The following MED13L variants were observed in gnomAD, a reference collection of about 807,000 sequenced individuals.
MED13L encodes the protein mediator of RNA polymerase II transcription subunit 13-like.
MED13L carries 7 observed loss-of-function variants against 220.9 expected under a neutral mutation model. The observed-to-expected ratio is 0.03, with a 90% confidence interval of 0.02 to 0.06. MED13L has a LOEUF of 0.06. Among genes scored for constraint, MED13L ranks in the 10% least tolerant of loss-of-function variants. The pLI, the probability that MED13L is intolerant of heterozygous loss-of-function variation, is 1.00. For synonymous variants in MED13L, 1,011 were observed against 1,015.2 expected, an observed-to-expected ratio of 1.00 and a Z score of 0.08; for missense variants, 1,965 against 2,760.5, an observed-to-expected ratio of 0.71 and a Z score of 6.46.
chr12:116,143,991 T>C (rs17498543), intron 2 of MED13L, among the ~76,000 whole-genome samples: 22,919 of 152,096 alleles, frequency 0.15, 1,966 homozygotes, highest in Middle Eastern at 0.22. Flanking sequence ...CAGAACTTAA[T>C]AGAAGCCAGG....
At chr12:116,142,637 G>C (rs549363168) in intron 2 of MED13L, among the ~76,000 whole-genome samples, 1 of 152,072 alleles carries the variant, frequency 6.6e-6, no homozygotes, top group Admixed American at 6.6e-5. Flanking sequence ...GCAGCAGGCC[G>C]ATATTGCGCC....
chr12:115,987,618 G>T (rs1221736438), intron 17 of MED13L, among the ~76,000 whole-genome samples: 1 of 152,148 alleles, frequency 6.6e-6, no homozygotes, highest in African/African-American at 2.4e-5. Flanking sequence ...TCATAAGACA[G>T]CTGCAAAAGT....
chr12:115,991,038 A>T lies in MED13L; in HGVS notation c.3916T>A (p.Ser1306Thr), dbSNP rs761136335. The T allele has an allele frequency of 1.2e-6, 2 of 1,614,112 alleles. No homozygotes were observed. The highest frequency in any genetic ancestry group is 4.5e-5 in the East Asian group (2 of 44,880). Residue 1306 changes from serine (S) to threonine (T), a missense_variant, in exon 17 of 31, where the codon TCT (serine) becomes ACT (threonine). Physicochemically the swap from Ser to Thr is moderately conservative, Grantham distance 58. This residue lies in a region of MED13L where 165 missense variants were observed against 190.8 expected (regional missense o/e 0.86). Coordinates refer to ENST00000281928, the MANE Select transcript of MED13L (RefSeq NM_015335.5). The surrounding 1 kb of genome is among the most constrained non-coding windows in gnomAD (Gnocchi z 7.7). ...CACCTACCATTGCTGTGAGGCCAAGAGTGCACAGTGGCACTTCTCACCAGA... is the reference window on the plus strand; with the variant it reads ...CACCTACCATTGCTGTGAGGCCAAGTGTGCACAGTGGCACTTCTCACCAGA... Reference protein sequence around the residue: ...EALVRSATVHSWPHSNVLDIS... With the variant: ...EALVRSATVHTWPHSNVLDIS...
intron 4 of MED13L, among the ~76,000 whole-genome samples, chr12:116,046,395 A>T (rs1881837161): frequency 6.6e-6 from 1 of 152,236 alleles, no homozygotes; most frequent in Non-Finnish European, 1.5e-5. Context: ...GGATGTAAAT[A>T]ATTTCACATC....
intron 1 of MED13L, among the ~76,000 whole-genome samples, chr12:116,263,216 A>G (rs1872623381): frequency 6.6e-6 from 1 of 152,160 alleles, no homozygotes; most frequent in Non-Finnish European, 1.5e-5. Context: ...CTATAGCTCT[A>G]GGATTACATC....
At chr12:116,062,980 C>G (rs1028288530) in intron 4 of MED13L, among the ~76,000 whole-genome samples, 1 of 152,222 alleles carries the variant, frequency 6.6e-6, no homozygotes, top group African/African-American at 2.4e-5. Context: ...AATACTGGCT[C>G]TTCCTCCTTT....
At chr12:115,995,706 A>C (rs989615382) in intron 16 of MED13L, among the ~76,000 whole-genome samples, 6 of 152,180 alleles carry the variant, frequency 3.9e-5, no homozygotes, top group African/African-American at 1.4e-4. Context: ...TTACGGTTTG[A>C]GCCACCGCAC....
At position 116,111,452 on chromosome 12, in the gene MED13L, T is replaced by C; in HGVS notation, c.371A>G (p.Lys124Arg). Reference protein sequence around the residue: ...LSYECRTLLFKAIHNLLERCL... With the variant: ...LSYECRTLLFRAIHNLLERCL... The stretch of plus-strand genomic sequence containing the variant: ...CCTTTCTAACAGATTGTGGATCGCT[T>C]TGAAGAGCAGCGTCCTACATTCATA... Residue 124 changes from lysine to arginine, a missense_variant, in exon 3 of 31, where the codon AAA (lysine) becomes AGA (arginine). Physicochemically the swap from Lys to Arg is conservative, Grantham distance 26. Transcript: ENST00000281928. 1 of 1,612,610 alleles carries C rather than the reference T, an allele frequency of 6.2e-7. No individual in the cohort carries two copies.
At chr12:115,971,842 G>C (rs919644215) in intron 26 of MED13L, among the ~76,000 whole-genome samples, 2 of 152,088 alleles carry the variant, frequency 1.3e-5, no homozygotes, top group Non-Finnish European at 2.9e-5. Flanking sequence ...GACTCTATGA[G>C]ATCTCAATGA....
intron 2 of MED13L, among the ~76,000 whole-genome samples, chr12:116,189,934 TG>T (rs1565920100): frequency 6.6e-6 from 1 of 152,138 alleles, no homozygotes; most frequent in East Asian, 1.9e-4. Flanking sequence ...GATGTTTTTT[TG>T]GGGGGAGGGG....
intron 2 of MED13L, among the ~76,000 whole-genome samples, chr12:116,154,436 T>A (rs1878277823): frequency 6.6e-6 from 1 of 152,202 alleles, no homozygotes; most frequent in African/African-American, 2.4e-5. Context: ...ATAATTAGGT[T>A]ATTTCTAGTA....
At chr12:115,989,926 T>A (rs1877946873) in intron 17 of MED13L, among the ~76,000 whole-genome samples, 1 of 152,224 alleles carries the variant, frequency 6.6e-6, no homozygotes, top group Non-Finnish European at 1.5e-5. Flanking sequence ...TTATAGCCAG[T>A]GCACATTGTT....
Position 115,969,001 on chromosome 12 carries a change from G to A in MED13L, c.6164C>T (p.Pro2055Leu). The A allele has an allele frequency of 6.2e-7, 1 of 1,614,102 alleles. No homozygotes were observed. Among genetic ancestry groups the A allele is most frequent in the Non-Finnish European group, 8.5e-7 (1 of 1,179,988 alleles). Residue 2055 changes from proline (P) to leucine (L), a missense_variant, in exon 28 of 31, where the codon CCA (proline) becomes CTA (leucine). Physicochemically the swap from Pro to Leu is moderately conservative, Grantham distance 98. Transcript: ENST00000281928. ...GNLHSSPNSS[P>L]VPSPGSPSGI... ...AGAAGGAGAGCCTGGGGAGGGTACT[G>A]GGGAAGAGTTGGGAGAGGAATGGAG... is the stretch of plus-strand genomic sequence containing the variant.
chr12:116,193,380 T>C (rs530455340), intron 2 of MED13L, among the ~76,000 whole-genome samples: 1 of 152,208 alleles, frequency 6.6e-6, no homozygotes, highest in South Asian at 2.1e-4. Flanking sequence ...TTCAATGTAA[T>C]AGAAGTACTA....
chr12:116,127,245 T>C (rs7314858), intron 2 of MED13L, among the ~76,000 whole-genome samples: 22,867 of 152,202 alleles, frequency 0.15, 1,928 homozygotes, highest in South Asian at 0.21. Context: ...TGTTATATAA[T>C]AATTCATTTC....
At chr12:116,090,450 T>C (rs1872104535) in intron 4 of MED13L, among the ~76,000 whole-genome samples, 1 of 152,086 alleles carries the variant, frequency 6.6e-6, no homozygotes, top group Admixed American at 6.6e-5. Flanking sequence ...AATACAAGAG[T>C]TACTTTCTGC....
intron 4 of MED13L, among the ~76,000 whole-genome samples, chr12:116,077,955 C>T (rs774689361): frequency 8.4e-5 from 12 of 143,508 alleles, no homozygotes; most frequent in Non-Finnish European, 1.9e-4. Flanking sequence ...CAGCTCAAGA[C>T]CAGCCTGGCC....
chr12:116,049,012 GCTT>G (rs1272792202), intron 4 of MED13L, among the ~76,000 whole-genome samples: 2 of 152,150 alleles, frequency 1.3e-5, no homozygotes, highest in African/African-American at 4.8e-5. Context: ...AAAATGACCA[GCTT>G]CTTCTGCCTT....
At chr12:116,029,966 T>G (rs1036005046) in intron 4 of MED13L, among the ~76,000 whole-genome samples, 2 of 146,792 alleles carry the variant, frequency 1.4e-5, no homozygotes, top group African/African-American at 2.4e-5. Context: ...TTTTTGTTTG[T>G]TTGTTTGTTT....
Sources: allele counts gnomAD v4.1 joint callset (sites outside exome capture counted in the v4.1 genomes callset), GRCh38; gene constraint gnomAD v4.1.1; regional missense constraint gnomAD v4.1.1; non-coding constraint Gnocchi (gnomAD v3.1); transcripts MANE v1.5; gene names NCBI Gene and HGNC (gene_info 2026-07-23, HGNC 2026-07-21).